The following UBE2H variants were observed in gnomAD, a reference collection of about 807,000 sequenced individuals.
The protein encoded by UBE2H is ubiquitin conjugating enzyme E2 H.
In UBE2H, 3 loss-of-function variants were observed where a neutral mutation model predicts 29.0. The ratio of observed to expected loss-of-function variants is 0.10; its 90% CI spans 0.05 to 0.27. The LOEUF (loss-of-function observed/expected upper bound fraction) is 0.27, where lower values mean the gene tolerates loss of function less well. UBE2H is among the 10% of genes least tolerant of loss of function. The probability of loss-of-function intolerance (pLI) is 1.00; values close to 1 mark genes in which losing one functional copy is unlikely to be tolerated. For missense variants in UBE2H, 68 were observed against 228.2 expected (o/e 0.30, Z 4.52); for synonymous variants, 69 against 82.9 (o/e 0.83, Z 0.91).
intron 1 of UBE2H, 109 bp from the exon 2 acceptor site, chr7:129,881,080 A>G (rs1806243316): frequency 1.3e-6 from 1 of 796,420 alleles, no homozygotes; most frequent in East Asian, 2.8e-5. Flanking sequence ...TTGGCATGAC[A>G]TTGATAAAAT....
intron 1 of UBE2H, among the ~76,000 whole-genome samples, chr7:129,952,267 G>C (rs1036609657): frequency 3.3e-5 from 5 of 152,288 alleles, no homozygotes; most frequent in Middle Eastern, 3.4e-3. Context: ...AGGCTCTGGG[G>C]ATACAGGAAG....
chr7:129,864,556 C>CTTTTTTTTTTTTTTTTTTTT (rs367930226), intron 3 of UBE2H, among the ~76,000 whole-genome samples: 3 of 130,976 alleles, frequency 2.3e-5, no homozygotes, highest in Non-Finnish European at 4.7e-5. Flanking sequence ...TCTTTTCTTT[C>CTTTTTTTTTTTTTTTTTTTT]TTTTTTTTTT....
intron 1 of UBE2H, among the ~76,000 whole-genome samples, chr7:129,896,425 G>T (rs113405366): frequency 1.3e-5 from 2 of 151,838 alleles, no homozygotes; most frequent in African/African-American, 4.8e-5. Flanking sequence ...ATTGAAACAG[G>T]GTCTCACTCT....
intron 1 of UBE2H, among the ~76,000 whole-genome samples, chr7:129,929,947 T>G (rs1280069003): frequency 6.6e-6 from 1 of 151,692 alleles, no homozygotes; most frequent in African/African-American, 2.4e-5. Context: ...GAGGTGGAGG[T>G]TACAGCGAGC....
chr7:129,864,552 C>CTTTTTTT (rs757244811), intron 3 of UBE2H, among the ~76,000 whole-genome samples: 75 of 75,654 alleles, frequency 9.9e-4, no homozygotes, highest in Non-Finnish European at 1.5e-3. Context: ...TTTTTCTTTT[C>CTTTTTTT]TTTCTTTTTT....
chr7:129,924,302 A>G (rs1182770921), intron 1 of UBE2H, among the ~76,000 whole-genome samples: 1 of 152,202 alleles, frequency 6.6e-6, no homozygotes, highest in African/African-American at 2.4e-5. Context: ...CATCATTACT[A>G]ATGGCGTAAG....
intron 1 of UBE2H, among the ~76,000 whole-genome samples, chr7:129,936,747 A>G (rs1807536980): frequency 1.3e-5 from 2 of 150,360 alleles, no homozygotes; most frequent in Non-Finnish European, 3.0e-5. Context: ...ACCTGAGGTC[A>G]GGAGTTCGAG....
intron 1 of UBE2H, among the ~76,000 whole-genome samples, chr7:129,882,405 T>C (rs1436071972): frequency 6.6e-6 from 1 of 152,196 alleles, no homozygotes; most frequent in Non-Finnish European, 1.5e-5. Context: ...AATAATCTCA[T>C]AGAGAATAAA....
At chr7:129,863,720 T>C (rs1805842694) in intron 3 of UBE2H, among the ~76,000 whole-genome samples, 1 of 152,012 alleles carries the variant, frequency 6.6e-6, no homozygotes, top group Non-Finnish European at 1.5e-5. Context: ...GTTTATAACC[T>C]TGCCTTTGAG....
chr7:129,851,595 A>C (rs1805610960), intron 5 of UBE2H, among the ~76,000 whole-genome samples: 1 of 152,220 alleles, frequency 6.6e-6, no homozygotes, highest in African/African-American at 2.4e-5. Flanking sequence ...ATTTACATAT[A>C]ATCAAGAATG....
intron 5 of UBE2H, among the ~76,000 whole-genome samples, chr7:129,849,631 C>CA (rs1805573503): frequency 6.6e-6 from 1 of 152,070 alleles, no homozygotes; most frequent in Non-Finnish European, 1.5e-5. Context: ...ACTTCAGTGA[C>CA]AAAAAGCCCA....
intron 5 of UBE2H, among the ~76,000 whole-genome samples, chr7:129,845,698 A>C (rs1453637021): frequency 6.6e-6 from 1 of 152,262 alleles, no homozygotes; most frequent in Non-Finnish European, 1.5e-5. Context: ...AACTGTCTCC[A>C]GCAAACAGAA....
intron 5 of UBE2H, among the ~76,000 whole-genome samples, chr7:129,849,841 C>T (rs957123125): frequency 6.6e-6 from 1 of 152,174 alleles, no homozygotes; most frequent in Non-Finnish European, 1.5e-5. Flanking sequence ...CATACAATTA[C>T]TTGACTGAGA....
chr7:129,878,870 A>AG (rs1236942145), intron 3 of UBE2H, among the ~76,000 whole-genome samples: 1 of 151,270 alleles, frequency 6.6e-6, no homozygotes, highest in Admixed American at 6.6e-5. Flanking sequence ...AAAAAAAAAA[A>AG]AGCTGGCTTA....
At chr7:129,932,733 C>T (rs1405896585) in intron 1 of UBE2H, among the ~76,000 whole-genome samples, 3 of 137,404 alleles carry the variant, frequency 2.2e-5, no homozygotes, top group African/African-American at 5.5e-5. Context: ...AAGATCACGC[C>T]ATTGCACTCC....
intron 1 of UBE2H, among the ~76,000 whole-genome samples, chr7:129,887,218 C>CTT (rs58727788): frequency 2.5e-4 from 26 of 103,962 alleles, no homozygotes; most frequent in South Asian, 3.2e-4. Context: ...CTCTCTTGAA[C>CTT]TTTTTTTTTT....
intron 1 of UBE2H, among the ~76,000 whole-genome samples, chr7:129,916,482 A>C (rs968972550): frequency 4.6e-5 from 7 of 151,898 alleles, no homozygotes; most frequent in Non-Finnish European, 8.8e-5. Flanking sequence ...ATTAAAAAAA[A>C]AAAAAAAAGC....
intron 5 of UBE2H, among the ~76,000 whole-genome samples, chr7:129,847,555 T>C (rs902119536): frequency 2.0e-5 from 3 of 151,934 alleles, no homozygotes; most frequent in African/African-American, 7.2e-5. Flanking sequence ...TTGCCCAAGC[T>C]AGTCCCAAAC....
At chr7:129,848,423 G>A (rs1200287558) in intron 5 of UBE2H, among the ~76,000 whole-genome samples, 1 of 152,172 alleles carries the variant, frequency 6.6e-6, no homozygotes, top group Non-Finnish European at 1.5e-5. Context: ...GTATTTATCT[G>A]TTCTGTAATT....
Sources: allele counts gnomAD v4.1 joint callset (sites outside exome capture counted in the v4.1 genomes callset), GRCh38; gene constraint gnomAD v4.1.1; transcripts MANE v1.5; gene names NCBI Gene and HGNC (gene_info 2026-07-23, HGNC 2026-07-21).